Variants in USP54 observed in about 807,000 individuals in gnomAD.
USP54 encodes ubiquitin specific peptidase 54, also known as ubiquitin carboxyl-terminal hydrolase 54.
A neutral mutation model predicts 170.5 loss-of-function variants in USP54; 87 were observed. That is an observed-to-expected ratio of 0.51 (90% CI 0.43 to 0.61). USP54 has a LOEUF of 0.61. Ranked by LOEUF, USP54 falls within the 20% of genes least tolerant of loss-of-function variation. USP54 has a pLI of 0.00. For synonymous variants in USP54, 655 were observed against 742.8 expected, an observed-to-expected ratio of 0.88 and a Z score of 1.92; for missense variants, 1,786 against 2,047.8, an observed-to-expected ratio of 0.87 and a Z score of 2.47.
At chr10:73,507,288 T>G (rs1281375008) in intron 20 of USP54, 1 of 151,974 alleles carries the variant, frequency 6.6e-6, no homozygotes, top group African/African-American at 2.4e-5. Context: ...ATGTGTGTTA[T>G]GTTCTTATTT....
At chr10:73,621,007 T>G (rs2081046498) in intron 1 of USP54, among the ~76,000 whole-genome samples, 1 of 149,266 alleles carries the variant, frequency 6.7e-6, no homozygotes, top group African/African-American at 2.6e-5. Flanking sequence ...AATACAAAAA[T>G]TAGCTGAGCT....
chr10:73,605,306 C>T (rs188171743), intron 1 of USP54, among the ~76,000 whole-genome samples: 12 of 152,232 alleles, frequency 7.9e-5, no homozygotes, highest in East Asian at 3.9e-4. Context: ...CCTCATGATC[C>T]GCCCACCTTG....
intron 3 of USP54, among the ~76,000 whole-genome samples, chr10:73,573,015 G>A (rs1225419106): frequency 6.6e-6 from 1 of 152,118 alleles, no homozygotes; most frequent in African/African-American, 2.4e-5. Flanking sequence ...CAGGTGTGGT[G>A]GCTTATGCCT....
chr10:73,524,202 G>A (rs765338065), intron 16 of USP54, among the ~76,000 whole-genome samples: 41 of 151,888 alleles, frequency 2.7e-4, no homozygotes, highest in Non-Finnish European at 4.4e-4. Flanking sequence ...GAGCCACTGC[G>A]CCTGGCCCAA....
chr10:73,542,568 C>A (rs913375413), intron 7 of USP54, among the ~76,000 whole-genome samples: 1 of 151,986 alleles, frequency 6.6e-6, no homozygotes, highest in African/African-American at 2.4e-5. Context: ...GCTAAAAACA[C>A]AAAAAAATTA....
intron 4 of USP54, chr10:73,553,385 AG>A (rs2070105274): frequency 6.6e-6 from 1 of 152,228 alleles, no homozygotes; most frequent in East Asian, 1.9e-4. Context: ...GAGCCCGCCC[AG>A]CATGCATCTG....
intron 4 of USP54, among the ~76,000 whole-genome samples, chr10:73,561,884 A>C (rs2073147058): frequency 1.3e-5 from 2 of 152,176 alleles, no homozygotes; most frequent in South Asian, 4.1e-4. Flanking sequence ...TTACAAAAAC[A>C]GTGGGCAAAA....
intron 11 of USP54, 173 bp downstream of exon 11, chr10:73,536,096 A>G (rs2065149456): frequency 2.4e-6 from 2 of 839,148 alleles, no homozygotes; most frequent in East Asian, 5.4e-5. Flanking sequence ...ACTGAAGGAA[A>G]TAAAGGCTGG....
At chr10:73,580,186 C>G (rs749350668) in intron 1 of USP54, among the ~76,000 whole-genome samples, 22 of 151,512 alleles carry the variant, frequency 1.5e-4, no homozygotes, top group Non-Finnish European at 2.7e-4. Flanking sequence ...TAGCCAATGG[C>G]AGGCACCTAT....
At chr10:73,561,019 C>T (rs1285568457) in intron 4 of USP54, among the ~76,000 whole-genome samples, 1 of 145,606 alleles carries the variant, frequency 6.9e-6, no homozygotes, top group African/African-American at 2.5e-5. Flanking sequence ...GCAGGATAAT[C>T]GCTTGAACCC....
chr10:73,519,970 A>G lies in USP54; in HGVS notation c.2505T>C (p.His835=). ...TGCTGTGCGTGCTACAGCTGGCACC[A>G]TGCAGGGCAAGTCTTAGTTTAGCTA... ...EAISKLRLAL[H]GASCSTHSRA... is the part of the protein sequence containing the mutation. Residue 835 remains histidine, a synonymous_variant, in exon 19 of 24, where the codon CAT becomes CAC. Transcript: ENST00000687698. The G allele has an allele frequency of 3.1e-6, 5 of 1,611,020 alleles. No homozygotes were observed. Among genetic ancestry groups the G allele is most frequent in the Non-Finnish European group, 3.4e-6 (4 of 1,178,472 alleles).
chr10:73,609,367 A>C (rs553767179), intron 1 of USP54, among the ~76,000 whole-genome samples: 43 of 152,350 alleles, frequency 2.8e-4, no homozygotes, highest in African/African-American at 9.4e-4. Flanking sequence ...AAATGAAACA[A>C]TGGCACACAA....
chr10:73,504,451 C>T (rs1249044733), intron 22 of USP54: 5 of 196,806 alleles, frequency 2.5e-5, no homozygotes, highest in Non-Finnish European at 5.2e-5. Flanking sequence ...TGAAAACACA[C>T]TGAATTCTAT....
chr10:73,519,988 T>A lies in USP54; in HGVS notation c.2487A>T (p.Lys829Asn), dbSNP rs1317525988. ...ALALCNEAIS[K>N]LRLALHGASC... ...TGGCACCATGCAGGGCAAGTCTTAG[T>A]TTAGCTAAAATGCAAAAGAAAATAT... The change falls in exon 19 of 24, where the codon AAA (lysine) becomes AAT (asparagine). Residue 829 changes from lysine (K) to asparagine (N), a missense_variant. Physicochemically the swap from Lys to Asn is moderately conservative, Grantham distance 94 (BLOSUM62 0). Transcript: ENST00000687698. 6.2e-7 allele frequency: 1 copy of A among 1,600,706 alleles called. No individual in the cohort carries two copies. The highest frequency in any genetic ancestry group is 1.7e-5 in the Admixed American group (1 of 57,600).
rs2075173710 is a variant in USP54 at position 73,571,388 on chromosome 10, G to A, written c.240+33C>T. On this transcript the variant is annotated intron_variant, in intron 4 of 23. Coordinates refer to ENST00000687698, the MANE Select transcript of USP54 (RefSeq NM_001391956.1). Reference sequence around the variant, plus strand: ...GATATTGACCATTTGGCCACCCAATGGTAGTGAGAAGAAACTAATTGGAAG... The same window carrying A: ...GATATTGACCATTTGGCCACCCAATAGTAGTGAGAAGAAACTAATTGGAAG... The A allele has an allele frequency of 7.0e-6, 11 of 1,580,310 alleles. No individual in the cohort carries two copies. The East Asian group carries it at 2.0e-4, about 29-fold the overall frequency.
intron 4 of USP54, among the ~76,000 whole-genome samples, chr10:73,571,196 T>C (rs893201494): frequency 3.0e-5 from 4 of 131,682 alleles, no homozygotes; most frequent in Non-Finnish European, 6.5e-5. Context: ...TTCTATCACA[T>C]CAAACAGAGC....
At position 73,498,909 on chromosome 10, in the gene USP54, T is replaced by A; in HGVS notation, c.4775A>T (p.His1592Leu). The A allele has an allele frequency of 1.2e-6, 2 of 1,613,798 alleles. No individual in the cohort carries two copies. The highest frequency in any genetic ancestry group is 1.7e-6 in the Non-Finnish European group (2 of 1,179,948). The change falls in exon 24 of 24, where the codon CAT becomes CTT. Residue 1592 changes from histidine (H) to leucine (L), a missense_variant. Coordinates refer to ENST00000687698, the MANE Select transcript of USP54 (RefSeq NM_001391956.1). Reference sequence around the variant, plus strand: ...AACAATGGGAGGGTGGGAGGGTGAATGGAAAAGATCACTCCAGGACTGAGT... The same window carrying A: ...AACAATGGGAGGGTGGGAGGGTGAAAGGAAAAGATCACTCCAGGACTGAGT... ...PHTQSWSDLF[H>L]SPSHPPIVHP...
At chr10:73,620,554 C>A (rs941958673) in intron 1 of USP54, among the ~76,000 whole-genome samples, 1 of 147,826 alleles carries the variant, frequency 6.8e-6, no homozygotes, top group Non-Finnish European at 1.5e-5. Context: ...AACTCCTGGC[C>A]TCAAGCAATC....
chr10:73,536,544 A>T, intron 10 of USP54, 107 bp from the exon 11 acceptor site: 1 of 1,302,652 alleles, frequency 7.7e-7, no homozygotes, highest in Non-Finnish European at 1.0e-6. Flanking sequence ...AGATGAAAAG[A>T]TAAGAATTGG....
Sources: allele counts gnomAD v4.1 joint callset (sites outside exome capture counted in the v4.1 genomes callset), GRCh38; gene constraint gnomAD v4.1.1; transcripts MANE v1.5; gene names NCBI Gene and HGNC (gene_info 2026-07-23, HGNC 2026-07-21).